Variants in DLGAP2 observed in about 807,000 individuals in gnomAD.
DLGAP2 encodes disks large-associated protein 2.
In DLGAP2, 26 loss-of-function variants were observed where a neutral mutation model predicts 100.3. The observed-to-expected ratio is 0.26, with a 90% CI of 0.19 to 0.36. The LOEUF is 0.36. DLGAP2 is among the 10% of genes least tolerant of loss of function. The pLI, the probability that DLGAP2 is intolerant of heterozygous loss-of-function variation, is 1.00. For synonymous variants in DLGAP2, 886 were observed against 630.1 expected, an observed-to-expected ratio of 1.41 and a Z score of -6.08; for missense variants, 1,858 against 1,453.2, an observed-to-expected ratio of 1.28 and a Z score of -4.53.
rs148758550 is a variant in DLGAP2, at chr8:1,434,335, G to T, written c.107-67031G>T. On this transcript the variant is annotated intron_variant, in intron 3 of 14. Transcript: ENST00000637795. ...CTGACAGGAGACACCAGGTGGAAGA[G>T]CCATGTGGGAAGTAGCCTCACGTGC... Among the ~76,000 whole-genome samples, 433 of 152,272 alleles carry T rather than the reference G, an allele frequency of 2.8e-3. 1 individual carries two copies. The highest frequency in any genetic ancestry group is 9.7e-3 in the African/African-American group (404 of 41,558).
At chr8:746,860 G>A (rs1015867566) in intron 1 of DLGAP2, among the ~76,000 whole-genome samples, 1 of 152,212 alleles carries the variant, frequency 6.6e-6, no homozygotes, top group African/African-American at 2.4e-5. Context: ...TGCTGGCTGC[G>A]GACGCTGGTC....
chr8:1,315,024 A>T (rs1800699881), intron 3 of DLGAP2, among the ~76,000 whole-genome samples: 1 of 152,236 alleles, frequency 6.6e-6, no homozygotes, highest in South Asian at 2.1e-4. Context: ...TAGGACTTCC[A>T]GAACACCGCT....
chr8:1,205,578 C>T (rs529489709), intron 2 of DLGAP2, among the ~76,000 whole-genome samples: 2 of 152,184 alleles, frequency 1.3e-5, no homozygotes, highest in African/African-American at 4.8e-5. Context: ...GCTTTTACTG[C>T]AACACAGAGG....
chr8:1,278,444 G>A (rs773379881), intron 3 of DLGAP2, among the ~76,000 whole-genome samples: 4 of 152,044 alleles, frequency 2.6e-5, no homozygotes, highest in Non-Finnish European at 5.9e-5. Context: ...TATCAAGAAG[G>A]ATAAATGAAT....
At chr8:1,315,218 C>G (rs568210641) in intron 3 of DLGAP2, among the ~76,000 whole-genome samples, 1 of 152,168 alleles carries the variant, frequency 6.6e-6, no homozygotes, top group South Asian at 2.1e-4. Context: ...AAAAATAGAG[C>G]GTGTGCAAGT....
chr8:1,017,570 CA>C (rs1801497648), intron 2 of DLGAP2, among the ~76,000 whole-genome samples: 1 of 141,558 alleles, frequency 7.1e-6, no homozygotes, highest in African/African-American at 2.9e-5. Flanking sequence ...TGTGTGTGAC[CA>C]GGACAGACGA....
chr8:931,314 C>T (rs978728055), intron 2 of DLGAP2, among the ~76,000 whole-genome samples: 1 of 152,218 alleles, frequency 6.6e-6, no homozygotes, highest in Non-Finnish European at 1.5e-5. Flanking sequence ...CTGGGGTCTC[C>T]CACGCTGAGG....
Position 1,064,018 on chromosome 8 carries a change from A to G in DLGAP2, c.73+156052A>G, listed in dbSNP as rs537341777. Reference sequence around the variant, plus strand: ...TATACGCAGGATGACATGGTTCTCCAGAAGAGCAGTTAGGAGATGCCAGCC... The same window carrying G: ...TATACGCAGGATGACATGGTTCTCCGGAAGAGCAGTTAGGAGATGCCAGCC... On this transcript the variant is annotated intron_variant, in intron 2 of 14. Transcript: ENST00000637795. 2.4e-3 allele frequency among the ~76,000 whole-genome samples: 359 copies of G among 152,284 alleles called. 2 individuals carry two copies. Among genetic ancestry groups the G allele is most frequent in the African/African-American group, 8.2e-3 (339 of 41,532 alleles).
intron 1 of DLGAP2, among the ~76,000 whole-genome samples, chr8:752,352 G>A (rs866072858): frequency 1.3e-5 from 2 of 152,232 alleles, no homozygotes; most frequent in Non-Finnish European, 2.9e-5. Flanking sequence ...CCTTCCTCCA[G>A]CCTAGTGTGC....
intron 3 of DLGAP2, among the ~76,000 whole-genome samples, chr8:1,281,856 TG>T (rs1799820374): frequency 3.3e-5 from 5 of 152,222 alleles, no homozygotes; most frequent in African/African-American, 1.2e-4. Flanking sequence ...TCCACCACAC[TG>T]GGCTTTGATC....
intron 2 of DLGAP2, among the ~76,000 whole-genome samples, chr8:1,227,016 A>C (rs913167302): frequency 1.3e-5 from 2 of 150,772 alleles, no homozygotes; most frequent in African/African-American, 4.9e-5. Context: ...GATTGTACCC[A>C]AAGGGAACAA....
intron 4 of DLGAP2, among the ~76,000 whole-genome samples, chr8:1,537,014 C>T (rs1218743643): frequency 6.6e-6 from 1 of 152,000 alleles, no homozygotes; most frequent in African/African-American, 2.4e-5. Flanking sequence ...ATTACGGGCC[C>T]TTCACACCTC....
At chr8:790,477 A>G (rs1282812886) in intron 1 of DLGAP2, among the ~76,000 whole-genome samples, 1 of 152,162 alleles carries the variant, frequency 6.6e-6, no homozygotes, top group Non-Finnish European at 1.5e-5. Flanking sequence ...TTACCTTATA[A>G]ATGCTTAGCA....
intron 2 of DLGAP2, among the ~76,000 whole-genome samples, chr8:1,231,258 T>C (rs1798529166): frequency 6.6e-6 from 1 of 152,176 alleles, no homozygotes; most frequent in African/African-American, 2.4e-5. Flanking sequence ...CTCTAATTGT[T>C]ATAGAAATGT....
At position 1,450,409 on chromosome 8, in the gene DLGAP2, G is replaced by C. The variant is rs796493272; in HGVS notation, c.107-50957G>C. ...GATGAGGTGGGCGGCCTCGGTGGCTGAGGCTGAGCTGTGAGGGTGAAGACG... is the reference window on the plus strand; with the variant it reads ...GATGAGGTGGGCGGCCTCGGTGGCTCAGGCTGAGCTGTGAGGGTGAAGACG... On this transcript the variant is annotated intron_variant, in intron 3 of 14. Transcript: ENST00000637795. Among the ~76,000 whole-genome samples, 133 of 70,888 alleles carry C rather than the reference G, an allele frequency of 1.9e-3. 9 individuals carry two copies. The Middle Eastern group carries it at 0.019, about 10-fold the overall frequency. 46.5% of individuals were successfully genotyped at this position (70,888 alleles called of 152,430 possible).
intron 1 of DLGAP2, among the ~76,000 whole-genome samples, chr8:835,772 G>T (rs922718167): frequency 6.6e-6 from 1 of 152,180 alleles, no homozygotes; most frequent in Non-Finnish European, 1.5e-5. Context: ...TTAATTTACA[G>T]TTAATTCAGG....
intron 3 of DLGAP2, among the ~76,000 whole-genome samples, chr8:1,286,255 T>C (rs918157058): frequency 2.6e-5 from 4 of 152,174 alleles, no homozygotes; most frequent in African/African-American, 7.2e-5. Flanking sequence ...TCTGCCATGA[T>C]TGTAAGTTTC....
intron 2 of DLGAP2, among the ~76,000 whole-genome samples, chr8:1,020,890 C>T (rs1244732082): frequency 2.0e-5 from 3 of 152,214 alleles, no homozygotes; most frequent in African/African-American, 7.2e-5. Context: ...CTGGGACCAT[C>T]CCTGCCTCAT....
intron 2 of DLGAP2, among the ~76,000 whole-genome samples, chr8:1,257,152 A>G (rs1323221078): frequency 6.6e-6 from 1 of 152,072 alleles, no homozygotes; most frequent in Non-Finnish European, 1.5e-5. Flanking sequence ...TAGAGCTGTC[A>G]GTCACAGTTT....
Sources: allele counts gnomAD v4.1 joint callset (sites outside exome capture counted in the v4.1 genomes callset), GRCh38; gene constraint gnomAD v4.1.1; transcripts MANE v1.5; gene names NCBI Gene and HGNC (gene_info 2026-07-23, HGNC 2026-07-21).